The following TBCA variants were observed in gnomAD, a reference collection of about 807,000 sequenced individuals.
TBCA encodes tubulin-specific chaperone A.
Under a neutral mutation model 15.8 loss-of-function variants are expected in TBCA, and 6 were observed. The observed-to-expected ratio is 0.38, with a 90% CI of 0.21 to 0.75. The LOEUF (loss-of-function observed/expected upper bound fraction) is 0.75, where lower values mean the gene tolerates loss of function less well. Among genes scored for constraint, TBCA ranks in the 30% least tolerant of loss-of-function variants. The pLI, the probability that TBCA is intolerant of heterozygous loss-of-function variation, is 0.46. For missense variants in TBCA, 90 were observed against 131.2 expected, an observed-to-expected ratio of 0.69 and a Z score of 1.53; for synonymous variants, 32 against 42.3, an observed-to-expected ratio of 0.76 and a Z score of 0.94.
At chr5:77,704,145 G>A (rs1374169770) in intron 2 of TBCA, among the ~76,000 whole-genome samples, 1 of 152,100 alleles carries the variant, frequency 6.6e-6, no homozygotes, top group African/African-American at 2.4e-5. Flanking sequence ...CTATATAGCA[G>A]TATGAAAATG....
At chr5:77,769,881 T>C (rs967398672) in intron 1 of TBCA, among the ~76,000 whole-genome samples, 2 of 152,214 alleles carry the variant, frequency 1.3e-5, no homozygotes, top group African/African-American at 4.8e-5. Context: ...AGGAAAACTA[T>C]GGGCCAATGT....
chr5:77,733,472 T>G (rs1746821578), intron 1 of TBCA, among the ~76,000 whole-genome samples: 1 of 152,218 alleles, frequency 6.6e-6, no homozygotes, highest in Non-Finnish European at 1.5e-5. Context: ...AACAGCCTTC[T>G]TGCTGACATG....
At chr5:77,729,149 A>G (rs1041640669) in intron 1 of TBCA, among the ~76,000 whole-genome samples, 2 of 152,050 alleles carry the variant, frequency 1.3e-5, no homozygotes, top group African/African-American at 2.4e-5. Context: ...CCTCATCTCT[A>G]CTAAAAACAT....
chr5:77,720,682 C>A (rs1362170638), intron 1 of TBCA, among the ~76,000 whole-genome samples: 1 of 152,048 alleles, frequency 6.6e-6, no homozygotes, highest in African/African-American at 2.4e-5. Flanking sequence ...TCGCTGCACT[C>A]CAGCCTGGGT....
chr5:77,740,589 A>C (rs560897144), intron 1 of TBCA, among the ~76,000 whole-genome samples: 40 of 152,270 alleles, frequency 2.6e-4, no homozygotes, highest in African/African-American at 9.4e-4. Context: ...AAAATATAAA[A>C]CCATTACCTT....
At position 77,736,658 on chromosome 5, in the gene TBCA, A is replaced by G. The variant is rs527377186; in HGVS notation, c.54-28311T>C. ...ACCTTATTTCTTTTTCTAAGAGGAA[A>G]TGACTGCCCTTCCCTATCTCTACCT... On this transcript the variant is annotated intron_variant, in intron 1 of 3. Coordinates refer to ENST00000380377, the MANE Select transcript of TBCA (RefSeq NM_004607.3). Among the ~76,000 whole-genome samples the G allele has an allele frequency of 1.4e-4, 22 of 152,286 alleles. No homozygotes were observed. The South Asian group carries it at 4.4e-3, about 30-fold the overall frequency.
intron 1 of TBCA, among the ~76,000 whole-genome samples, chr5:77,716,510 T>C (rs1006003087): frequency 6.6e-6 from 1 of 152,164 alleles, no homozygotes; most frequent in Non-Finnish European, 1.5e-5. Context: ...GACCACTTAC[T>C]ATGAACCAAG....
At chr5:77,712,300 A>G (rs1246879186) in intron 1 of TBCA, among the ~76,000 whole-genome samples, 2 of 152,196 alleles carry the variant, frequency 1.3e-5, no homozygotes, top group Non-Finnish European at 2.9e-5. Flanking sequence ...GACAATCAGA[A>G]GAGTGTGATA....
At chr5:77,755,722 G>A (rs1049680536) in intron 1 of TBCA, among the ~76,000 whole-genome samples, 1 of 151,252 alleles carries the variant, frequency 6.6e-6, no homozygotes, top group Non-Finnish European at 1.5e-5. Flanking sequence ...AACCAAATAG[G>A]GGCCGGGTGC....
chr5:77,772,083 T>TA (rs1428714735), intron 1 of TBCA, among the ~76,000 whole-genome samples: 4,929 of 138,742 alleles, frequency 0.036, 112 homozygotes, highest in African/African-American at 0.065. Context: ...AACCATTGAT[T>TA]AAAAAAAAAA....
intron 1 of TBCA, among the ~76,000 whole-genome samples, chr5:77,709,205 T>A (rs1184336446): frequency 6.6e-6 from 1 of 152,170 alleles, no homozygotes; most frequent in Non-Finnish European, 1.5e-5. Flanking sequence ...GGAGCTGGGA[T>A]AGATGCAGTT....
At chr5:77,740,272 A>G (rs1308738636) in intron 1 of TBCA, among the ~76,000 whole-genome samples, 1 of 152,218 alleles carries the variant, frequency 6.6e-6, no homozygotes, top group East Asian at 1.9e-4. Flanking sequence ...TCCTAAATGT[A>G]TTTGACAGGT....
At chr5:77,744,156 A>G (rs1747114185) in intron 1 of TBCA, among the ~76,000 whole-genome samples, 2 of 152,168 alleles carry the variant, frequency 1.3e-5, no homozygotes, top group Non-Finnish European at 2.9e-5. Context: ...GGTTCTATCT[A>G]AAACATGACC....
intron 1 of TBCA, among the ~76,000 whole-genome samples, chr5:77,769,953 C>G (rs1454887826): frequency 1.3e-5 from 2 of 152,108 alleles, no homozygotes; most frequent in Non-Finnish European, 2.9e-5. Context: ...CATTACCAAT[C>G]CAAAATGGTT....
chr5:77,706,196 G>A (rs1746146147), intron 2 of TBCA, among the ~76,000 whole-genome samples: 1 of 152,158 alleles, frequency 6.6e-6, no homozygotes, highest in African/African-American at 2.4e-5. Context: ...AAAAATGACT[G>A]TGAGTTCATA....
chr5:77,698,388 C>G (rs1359286862), intron 2 of TBCA, among the ~76,000 whole-genome samples: 1 of 152,176 alleles, frequency 6.6e-6, no homozygotes, highest in Non-Finnish European at 1.5e-5. Context: ...AAACTACCAA[C>G]TACCCAAACT....
intron 1 of TBCA, among the ~76,000 whole-genome samples, chr5:77,752,183 A>C (rs1051121206): frequency 1.3e-5 from 2 of 152,224 alleles, no homozygotes; most frequent in African/African-American, 2.4e-5. Flanking sequence ...TTTCTCAGGA[A>C]GCTGATGATA....
chr5:77,697,468 TA>T (rs1431756308), intron 2 of TBCA, among the ~76,000 whole-genome samples: 2 of 151,906 alleles, frequency 1.3e-5, no homozygotes, highest in Admixed American at 1.3e-4. Context: ...TTAGAAATCA[TA>T]ACAGAAAGAA....
intron 2 of TBCA, among the ~76,000 whole-genome samples, chr5:77,700,521 A>C (rs946937125): frequency 6.6e-6 from 1 of 152,236 alleles, no homozygotes; most frequent in Non-Finnish European, 1.5e-5. Context: ...CTATACAGCT[A>C]TCATATAGCT....
Sources: allele counts gnomAD v4.1 joint callset (sites outside exome capture counted in the v4.1 genomes callset), GRCh38; gene constraint gnomAD v4.1.1; transcripts MANE v1.5; gene names NCBI Gene and HGNC (gene_info 2026-07-23, HGNC 2026-07-21).